MYLK3: variants seen among roughly 807,000 people sequenced by gnomAD.
MYLK3 encodes the protein MLC kinase.
A neutral mutation model predicts 76.3 loss-of-function variants in MYLK3; 55 were observed. The observed-to-expected ratio is 0.72, with a 90% CI of 0.58 to 0.90. MYLK3 has a LOEUF of 0.90. Among genes scored for constraint, MYLK3 ranks in the 40% least tolerant of loss-of-function variants. The pLI, the probability that MYLK3 is intolerant of heterozygous loss-of-function variation, is 0.00. For synonymous variants in MYLK3, 416 were observed against 425.4 expected (o/e 0.98, Z 0.27); for missense variants, 973 against 1,053.6 (o/e 0.92, Z 1.06).
upstream of MYLK3, among the ~76,000 whole-genome samples, chr16:46,748,486 C>T (rs1011325164): frequency 8.1e-4 from 124 of 152,178 alleles, no homozygotes; most frequent in Non-Finnish European, 1.0e-4. This position sits in a 1 kb window ranked among gnomAD's most constrained non-coding sequence, Gnocchi z 4.3. Flanking sequence ...ATTTAACATT[C>T]CTCTCTGAGA....
At chr16:46,757,352 T>C in intron 1 of MYLK3, 1 of 983,466 alleles carries the variant, frequency 1.0e-6, no homozygotes, top group Non-Finnish European at 1.2e-6. Context: ...AGGTCTCCCT[T>C]AGTCCCGTGC....
rs537436791 is a variant in MYLK3 at position 46,740,198 on chromosome 16, C to G, written c.478-51G>C. 1.3e-5 allele frequency: 19 copies of G among 1,473,130 alleles called. No individual in the cohort carries two copies. The East Asian group carries it at 3.8e-4, about 30-fold the overall frequency. 91.3% of individuals were successfully genotyped at this position (1,473,130 alleles called of 1,614,324 possible). On this transcript the variant is annotated intron_variant, in intron 1 of 12. Coordinates refer to ENST00000394809, the MANE Select transcript of MYLK3 (RefSeq NM_182493.3). ...CATCATTATCATCAACATTGCCATTCAGGCCACAGACATTTGTTTAGCACC... is the reference window on the plus strand; with the variant it reads ...CATCATTATCATCAACATTGCCATTGAGGCCACAGACATTTGTTTAGCACC...
intron 1 of MYLK3, among the ~76,000 whole-genome samples, chr16:46,761,072 A>T (rs1011011995): frequency 7.9e-5 from 12 of 152,104 alleles, no homozygotes; most frequent in African/African-American, 2.9e-4. Flanking sequence ...GGAGGCAAAA[A>T]AATTAGGGAG....
chr16:46,721,029 C>T, intron 9 of MYLK3, 94 bp downstream of exon 9: 1 of 1,141,044 alleles, frequency 8.8e-7, no homozygotes, highest in Non-Finnish European at 1.3e-6. Flanking sequence ...AGTTCCAAAA[C>T]TCAAGCATTA....
intron 1 of MYLK3, among the ~76,000 whole-genome samples, chr16:46,745,598 T>A (rs1409816609): frequency 6.6e-6 from 1 of 151,940 alleles, no homozygotes; most frequent in Non-Finnish European, 1.5e-5. Flanking sequence ...ACAAAAAAAT[T>A]AGCCGGGCAT....
chr16:46,731,688 A>G (rs997375145), intron 4 of MYLK3, among the ~76,000 whole-genome samples: 1 of 152,190 alleles, frequency 6.6e-6, no homozygotes, highest in Non-Finnish European at 1.5e-5. Flanking sequence ...AATGGCTGAC[A>G]GTGGTCACAG....
At position 46,721,193 on chromosome 16, in the gene MYLK3, G is replaced by A. The variant is rs754683857; in HGVS notation, c.1915C>T (p.Pro639Ser). 1.2e-6 allele frequency: 2 copies of A among 1,614,140 alleles called. No homozygotes were observed. The highest frequency in any genetic ancestry group is 1.1e-5 in the South Asian group (1 of 91,082). ...TGATTGACGCACAATATGTTCTCCG[G>A]CTGGGAAAGAAAGAAGTCTGCTTAG... ...QHYILHLDLK[P>S]ENILCVNQTG... The change falls in exon 9 of 13, where the codon CCG (proline) becomes TCG (serine). Residue 639 changes from proline to serine, a missense_variant and splice_region_variant. Pro to Ser is a moderately conservative substitution (Grantham distance 74, BLOSUM62 -1). This residue lies in a region of MYLK3 where 332 missense variants were observed against 416.6 expected (regional missense o/e 0.80). Transcript: ENST00000394809.
At chr16:46,719,861 A>G (rs1175652510) in intron 9 of MYLK3, among the ~76,000 whole-genome samples, 1 of 152,222 alleles carries the variant, frequency 6.6e-6, no homozygotes, top group Admixed American at 6.5e-5. Flanking sequence ...CAGGCATTTT[A>G]AGAGACTATG....
At position 46,707,610 on chromosome 16, in the gene MYLK3, C is replaced by G; in HGVS notation, c.*94G>C. ...ACAAAATAAGTGGAATCAATAATAC[C>G]AAAAAGCCAAATTATTTAAATGTTT... On this transcript the variant is annotated 3_prime_UTR_variant, in exon 13 of 13. Coordinates refer to ENST00000394809, the MANE Select transcript of MYLK3 (RefSeq NM_182493.3). 1 of 878,060 alleles carries G rather than the reference C, an allele frequency of 1.1e-6. No homozygotes were observed. Among genetic ancestry groups the G allele is most frequent in the Non-Finnish European group, 1.8e-6 (1 of 561,714 alleles). The allele number at this position is 878,060 out of a possible 1,614,324, so 54.4% of individuals were successfully genotyped here.
rs150569559 is a variant in MYLK3 at position 46,756,202 on chromosome 16, G to A, written c.-114+6838C>T. ...TAGGATTACAAGTGTGAGCCACCTCGCCCAGCCCAGAGTTCTTACAAGAAA... is the reference window on the plus strand; with the variant it reads ...TAGGATTACAAGTGTGAGCCACCTCACCCAGCCCAGAGTTCTTACAAGAAA... On this transcript the variant is annotated intron_variant, in intron 1 of 11. Coordinates refer to the MYLK3 transcript ENST00000536476. 5.0e-3 allele frequency among the ~76,000 whole-genome samples: 760 copies of A among 152,230 alleles called. 4 individuals are homozygous for A. The highest frequency in any genetic ancestry group is 0.017 in the African/African-American group (716 of 41,538).
At chr16:46,708,812 G>T (rs978129906) in intron 12 of MYLK3, among the ~76,000 whole-genome samples, 3 of 152,178 alleles carry the variant, frequency 2.0e-5, no homozygotes, top group African/African-American at 7.2e-5. Flanking sequence ...TGGGACTAAA[G>T]AATTCTGTTG....
At chr16:46,743,705 C>T (rs975142897) in intron 1 of MYLK3, among the ~76,000 whole-genome samples, 19 of 152,048 alleles carry the variant, frequency 1.2e-4, no homozygotes, top group African/African-American at 3.9e-4. Context: ...TCATGCAACA[C>T]GTATAACAGC....
rs1238730318 is a variant in MYLK3 at position 46,734,316 on chromosome 16, A to G, written c.1002-1648T>C. Among the ~76,000 whole-genome samples the G allele has an allele frequency of 4.6e-5, 7 of 152,236 alleles. No homozygotes were observed. The East Asian group carries it at 1.3e-3, about 29-fold the overall frequency. On this transcript the variant is annotated intron_variant, in intron 3 of 12. Transcript: ENST00000394809. Reference sequence around the variant, plus strand: ...TGCTCAGTGAAATGAGCCAGGCACAAAAAGACAAATCCTGTGGCCAGGTGC... The same window carrying G: ...TGCTCAGTGAAATGAGCCAGGCACAGAAAGACAAATCCTGTGGCCAGGTGC...
intron 8 of MYLK3, among the ~76,000 whole-genome samples, chr16:46,722,279 C>T (rs371853302): frequency 4.6e-5 from 7 of 152,142 alleles, no homozygotes; most frequent in East Asian, 1.9e-4. Context: ...TTCTGTAGCC[C>T]GAGATGAGTC....
chr16:46,736,540 C>T (rs964211664), intron 3 of MYLK3, among the ~76,000 whole-genome samples: 6 of 152,178 alleles, frequency 3.9e-5, no homozygotes, highest in East Asian at 1.9e-4. Context: ...ACTTCATAGA[C>T]AGTTCACCCC....
rs755898293 is a variant in MYLK3 at position 46,729,690 on chromosome 16, G to A, written c.1569-3C>T. On this transcript the variant is annotated splice_polypyrimidine_tract_variant and splice_region_variant and intron_variant, in intron 5 of 12. Coordinates refer to ENST00000394809, the MANE Select transcript of MYLK3 (RefSeq NM_182493.3). Reference sequence around the variant, plus strand: ...TGTGGACCTGGCCAAACCGACCCCTGCAGAGACATAGCCACACGGCAGGCT... The same window carrying A: ...TGTGGACCTGGCCAAACCGACCCCTACAGAGACATAGCCACACGGCAGGCT... The A allele has an allele frequency of 3.1e-6, 5 of 1,613,222 alleles. No individual in the cohort carries two copies. Among genetic ancestry groups the A allele is most frequent in the Non-Finnish European group, 4.2e-6 (5 of 1,179,572 alleles).
chr16:46,736,562 T>G (rs1966869313), intron 3 of MYLK3, among the ~76,000 whole-genome samples: 1 of 152,142 alleles, frequency 6.6e-6, no homozygotes, highest in Non-Finnish European at 1.5e-5. Context: ...AGCCCCAGAT[T>G]CCACATTTAG....
chr16:46,753,059 T>C (rs899015941), upstream of MYLK3, among the ~76,000 whole-genome samples: 1 of 152,092 alleles, frequency 6.6e-6, no homozygotes, highest in African/African-American at 2.4e-5. Context: ...AATGAATTTC[T>C]AGGAGATAGA....
At chr16:46,716,497 ATGTGTGTGTGTGTG>A (rs869246629) in intron 9 of MYLK3, among the ~76,000 whole-genome samples, 2 of 21,602 alleles carry the variant, frequency 9.3e-5, no homozygotes, top group African/African-American at 7.1e-5. Flanking sequence ...GTGTATATAT[ATGTGTGTGTGTGTG>A]TGTGTGTGTG....
Sources: allele counts gnomAD v4.1 joint callset (sites outside exome capture counted in the v4.1 genomes callset), GRCh38; gene constraint gnomAD v4.1.1; regional missense constraint gnomAD v4.1.1; non-coding constraint Gnocchi (gnomAD v3.1); transcripts MANE v1.5; gene names NCBI Gene and HGNC (gene_info 2026-07-23, HGNC 2026-07-21).